The following TJP3 variants were observed in gnomAD, a reference collection of about 807,000 sequenced individuals.
TJP3 encodes the protein tight junction protein 3, also known as tight junction protein ZO-3.
Under a neutral mutation model 104.2 loss-of-function variants are expected in TJP3, and 85 were observed. The observed-to-expected ratio is 0.82, with a 90% CI of 0.68 to 0.98. TJP3 has a LOEUF of 0.98. TJP3 is among the 50% of genes least tolerant of loss of function. TJP3 has a pLI of 0.00. For missense variants in TJP3, 1,367 were observed against 1,322.8 expected (o/e 1.03, Z -0.52); for synonymous variants, 550 against 550.6 (o/e 1.00, Z 0.02).
At chr19:3,723,700 C>T (rs1044591294) in intron 1 of TJP3, among the ~76,000 whole-genome samples, 21 of 149,860 alleles carry the variant, frequency 1.4e-4, no homozygotes, top group Admixed American at 1.1e-3. Context: ...GGCTGAGGCA[C>T]GAGAATTGCT....
At chr19:3,726,024 C>T (rs2036592421) in intron 1 of TJP3, among the ~76,000 whole-genome samples, 1 of 152,224 alleles carries the variant, frequency 6.6e-6, no homozygotes, top group Admixed American at 6.5e-5. Context: ...GAATGCTGGC[C>T]TCGCTAGAGA....
At chr19:3,749,865 G>A (rs2036966554) in intron 19 of TJP3, among the ~76,000 whole-genome samples, 1 of 152,216 alleles carries the variant, frequency 6.6e-6, no homozygotes, top group Non-Finnish European at 1.5e-5. Flanking sequence ...TTACGTACAT[G>A]AACTCATGGC....
At chr19:3,737,435 A>G (rs762424083) in intron 11 of TJP3, among the ~76,000 whole-genome samples, 27 of 151,284 alleles carry the variant, frequency 1.8e-4, no homozygotes, top group Non-Finnish European at 3.5e-4. Context: ...GTCCACTTAT[A>G]GTCATTTTCT....
chr19:3,735,563 C>T lies in TJP3; in HGVS notation c.987-3C>T. The T allele has an allele frequency of 1.2e-6, 2 of 1,614,144 alleles. No homozygotes were observed. Among genetic ancestry groups the T allele is most frequent in the Non-Finnish European group, 1.7e-6 (2 of 1,180,014 alleles). On this transcript the variant is annotated splice_region_variant and splice_polypyrimidine_tract_variant and intron_variant, in intron 8 of 20. Transcript: ENST00000541714. Reference sequence around the variant, plus strand: ...GCCTCACTCCCAATCTGTTCCCCACCAGGGAGAGTCCCCGGCTTCGGCGGG... The same window carrying T: ...GCCTCACTCCCAATCTGTTCCCCACTAGGGAGAGTCCCCGGCTTCGGCGGG...
rs1427925984 is a variant in TJP3 at position 3,747,945 on chromosome 19, G to A, written c.2474G>A (p.Gly825Asp). 6.2e-7 allele frequency: 1 copy of A among 1,613,002 alleles called. No individual in the cohort carries two copies. The highest frequency in any genetic ancestry group is 2.2e-5 in the East Asian group (1 of 44,884). ...ACGGATGGCGAGGGCTACACAGACG[G>A]CGAGGGGGGGCCCTACACGGATGTG... ...AYTDGEGYTD[G>D]EGGPYTDVDD... The change falls in exon 19 of 21, where the codon GGC (glycine) becomes GAC (aspartate). Residue 825 changes from glycine (G) to aspartate (D), a missense_variant. Physicochemically the swap from Gly to Asp is moderately conservative, Grantham distance 94. Transcript: ENST00000541714.
intron 1 of TJP3, among the ~76,000 whole-genome samples, chr19:3,716,957 C>G (rs1445726761): frequency 7.6e-6 from 1 of 131,456 alleles, no homozygotes; most frequent in Non-Finnish European, 1.7e-5. Flanking sequence ...TGCCAACACG[C>G]CCAGGTGACT....
chr19:3,746,217 T>TTGTGAGGCAGGAGGCCC lies in TJP3; in HGVS notation c.2010+137_2010+153dup, dbSNP rs1352525369. The TTGTGAGGCAGGAGGCCC allele has an allele frequency of 2.0e-5, 19 of 953,816 alleles. No individual in the cohort carries two copies. Among genetic ancestry groups the TTGTGAGGCAGGAGGCCC allele is most frequent in the Non-Finnish European group, 1.6e-5 (10 of 635,176 alleles). 59.1% of individuals were successfully genotyped at this position (953,816 alleles called of 1,614,324 possible). ...TTCCATAGAGCCCCTTTTGGAGGCT[T>TTGTGAGGCAGGAGGCCC]TGTGAGGCAGGAGGCCCGAGACAGA... On this transcript the variant is annotated intron_variant, in intron 16 of 20. Coordinates refer to ENST00000541714, the MANE Select transcript of TJP3 (RefSeq NM_001267560.2). This position sits in a 1 kb window ranked among gnomAD's most constrained non-coding sequence, Gnocchi z 4.1.
intron 1 of TJP3, among the ~76,000 whole-genome samples, chr19:3,724,546 A>T (rs543949829): frequency 2.1e-5 from 3 of 145,948 alleles, no homozygotes; most frequent in African/African-American, 2.5e-5. Context: ...CCATTTAAAA[A>T]TTTTTTTTGA....
intron 1 of TJP3, among the ~76,000 whole-genome samples, chr19:3,716,590 G>A (rs569698877): frequency 2.7e-5 from 4 of 146,808 alleles, no homozygotes; most frequent in East Asian, 4.0e-4. Context: ...AACATGGCCC[G>A]GGAGCCCCAT....
Position 3,730,221 on chromosome 19 carries a change from T to C in TJP3, c.261+91T>C, listed in dbSNP as rs1402192121. On this transcript the variant is annotated intron_variant, in intron 4 of 20. Transcript: ENST00000541714. The surrounding 1 kb of genome is among the most constrained non-coding windows in gnomAD (Gnocchi z 7.3). ...GTTGTAAGCTTCTGAGAGCAAGGAG[T>C]CATCTTCTCATCTTACAGTTTGGAC... 6.6e-7 allele frequency: 1 copy of C among 1,514,046 alleles called. No individual in the cohort carries two copies. Among genetic ancestry groups the C allele is most frequent in the Non-Finnish European group, 9.1e-7 (1 of 1,097,074 alleles). 93.8% of individuals were successfully genotyped at this position (1,514,046 alleles called of 1,614,324 possible). A position where few individuals can be genotyped will look rare whatever the true frequency, so the allele number is the denominator to read the frequency against.
chr19:3,723,472 A>G (rs1303453398), intron 1 of TJP3, among the ~76,000 whole-genome samples: 1 of 152,108 alleles, frequency 6.6e-6, no homozygotes, highest in African/African-American at 2.4e-5. Context: ...GAGAATAAAG[A>G]TGATTTTTAG....
intron 1 of TJP3, among the ~76,000 whole-genome samples, chr19:3,728,003 G>A (rs2036618273): frequency 6.6e-6 from 1 of 151,944 alleles, no homozygotes; most frequent in Non-Finnish European, 1.5e-5. Flanking sequence ...ACTTTGGGAG[G>A]CCGAGGTGGG....
At chr19:3,735,434 G>T (rs1204605946) in intron 8 of TJP3, 132 bp from the exon 9 acceptor site, 2 of 831,332 alleles carry the variant, frequency 2.4e-6, no homozygotes, top group African/African-American at 3.4e-5. Context: ...CCTGACCTCA[G>T]GTGATCTGCC....
chr19:3,746,895 T>A lies in TJP3; in HGVS notation c.2322+19T>A. On this transcript the variant is annotated intron_variant, in intron 18 of 20. Transcript: ENST00000541714. This position sits in a 1 kb window ranked among gnomAD's most constrained non-coding sequence, Gnocchi z 4.1. Reference sequence around the variant, plus strand: ...AGATCAGGTACTGCCGCGGTGTGGGTGGGTCGGGCAGGGAGGCCCCACAGA... The same window carrying A: ...AGATCAGGTACTGCCGCGGTGTGGGAGGGTCGGGCAGGGAGGCCCCACAGA... 9.3e-7 allele frequency: 1 copy of A among 1,076,806 alleles called. No individual in the cohort carries two copies. Among genetic ancestry groups the A allele is most frequent in the Non-Finnish European group, 1.3e-6 (1 of 752,572 alleles). The allele number at this position is 1,076,806 out of a possible 1,614,324, so 66.7% of individuals were successfully genotyped here.
chr19:3,716,784 T>C (rs1339526290), intron 1 of TJP3, among the ~76,000 whole-genome samples: 2 of 68,092 alleles, frequency 2.9e-5, no homozygotes, highest in African/African-American at 4.9e-5. Flanking sequence ...CTCATACATA[T>C]ATATATATAT....
intron 1 of TJP3, among the ~76,000 whole-genome samples, chr19:3,722,866 G>GGGGAC (rs1458102298): frequency 6.9e-5 from 7 of 101,202 alleles, no homozygotes; most frequent in East Asian, 7.7e-4. Flanking sequence ...CGGGGGGGGG[G>GGGGAC]GGCACAGGGG....
At chr19:3,745,439 C>T (rs150711587) in intron 15 of TJP3, among the ~76,000 whole-genome samples, 3 of 152,134 alleles carry the variant, frequency 2.0e-5, no homozygotes, top group East Asian at 1.9e-4. Flanking sequence ...CCACTGTGCC[C>T]GGCCAATTTT....
Position 3,719,255 on chromosome 19 carries a change from T to C in TJP3, c.-9-9169T>C, listed in dbSNP as rs553586148. ...TGCGCCACCTGCTGGTGGCGGAGTG[T>C]CACACAGGGAAGGGCTGAGTTGCCT... On this transcript the variant is annotated intron_variant, in intron 1 of 20. Transcript: ENST00000541714. Among the ~76,000 whole-genome samples, 16 of 152,128 alleles carry C rather than the reference T, an allele frequency of 1.1e-4. No homozygotes were observed. In the East Asian group the frequency reaches 2.7e-3, roughly 26 times the overall value.
chr19:3,729,257 G>A (rs990383266), intron 3 of TJP3, among the ~76,000 whole-genome samples: 5 of 152,108 alleles, frequency 3.3e-5, no homozygotes, highest in African/African-American at 7.2e-5. Context: ...GGAAACCATC[G>A]AGTGTTTGAG....
Sources: gnomAD v4.1 joint callset for allele counts (sites outside exome capture counted in the v4.1 genomes callset) on GRCh38, gnomAD v4.1.1 for gene constraint, Gnocchi (gnomAD v3.1) non-coding constraint, MANE v1.5 for transcripts, NCBI Gene and HGNC (gene_info 2026-07-23, HGNC 2026-07-21) for gene names.